The following ALMS1 variants were observed in gnomAD, a reference collection of about 807,000 sequenced individuals.
The protein encoded by ALMS1 is ALMS1 centrosome and basal body associated protein.
A neutral mutation model predicts 352.2 loss-of-function variants in ALMS1; 271 were observed. The observed-to-expected ratio is 0.77, with a 90% CI of 0.70 to 0.85. The LOEUF (loss-of-function observed/expected upper bound fraction) is 0.85. Among genes scored for constraint, ALMS1 ranks in the 40% least tolerant of loss-of-function variants. The pLI is 0.00. For missense variants in ALMS1, 5,445 were observed against 4,870.7 expected, an observed-to-expected ratio of 1.12 and a Z score of -3.51; for synonymous variants, 1,865 against 1,761.2, an observed-to-expected ratio of 1.06 and a Z score of -1.48.
rs185568058 is a variant in ALMS1 at position 73,509,044 on chromosome 2, C to G, written c.9540-10731C>G. ...TTTTATCAGAGACTAGGATTTCAAC[C>G]CCTGTTTTTTTTTGTTGTTTTGTTG... On this transcript the variant is annotated intron_variant, in intron 10 of 22. Transcript: ENST00000613296. 4.6e-3 allele frequency among the ~76,000 whole-genome samples: 705 copies of G among 152,020 alleles called. 8 individuals are homozygous for G. Among genetic ancestry groups the G allele is most frequent in the African/African-American group, 0.015 (635 of 41,458 alleles).
At chr2:73,591,184 C>T (rs1675425659) in intron 16 of ALMS1, among the ~76,000 whole-genome samples, 1 of 151,992 alleles carries the variant, frequency 6.6e-6, no homozygotes, top group Non-Finnish European at 1.5e-5. Context: ...TTCTTTATTT[C>T]TGTGTTCATG....
intron 12 of ALMS1, among the ~76,000 whole-genome samples, chr2:73,548,933 A>C (rs1674373764): frequency 6.6e-6 from 1 of 152,192 alleles, no homozygotes; most frequent in Non-Finnish European, 1.5e-5. Context: ...GTAAGAGGCA[A>C]ATAAGAGAAA....
At position 73,579,091 on chromosome 2, in the gene ALMS1, C is replaced by T. The variant is rs527819861; in HGVS notation, c.11547+5667C>T. Among the ~76,000 whole-genome samples the T allele has an allele frequency of 4.3e-4, 25 of 58,274 alleles. 1 individual carries two copies. In the South Asian group the frequency reaches 8.3e-3, roughly 19 times the overall value. The allele number at this position is 58,274 out of a possible 152,430, so 38.2% of individuals were successfully genotyped here. A position where few individuals can be genotyped will look rare whatever the true frequency, so the allele number is the denominator to read the frequency against. ...TTTTTATTTATTTTTTTTTTTGAGA[C>T]GGAGTCGTCCTGGGCTGTAGTGCAA... On this transcript the variant is annotated intron_variant, in intron 16 of 22. Transcript: ENST00000613296.
chr2:73,498,184 A>G (rs187590950), intron 10 of ALMS1, among the ~76,000 whole-genome samples: 16 of 152,082 alleles, frequency 1.1e-4, no homozygotes, highest in African/African-American at 3.9e-4. Context: ...TGCTGGTGGC[A>G]GTCTTACCTT....
intron 9 of ALMS1, among the ~76,000 whole-genome samples, chr2:73,488,589 GCT>G (rs1672906370): frequency 6.6e-6 from 1 of 152,124 alleles, no homozygotes; most frequent in Non-Finnish European, 1.5e-5. Context: ...CCTGTTCCTG[GCT>G]CCCACCACCT....
rs187822932 is a variant in ALMS1, at chr2:73,521,344, G to T, written c.9781+1328G>T. On this transcript the variant is annotated intron_variant, in intron 11 of 22. Transcript: ENST00000613296. ...GCTGTAAGCTGCAGAAATGGTTTGG[G>T]TCTGTTCCAGATACTTCTTTCTGAG... 6.6e-5 allele frequency among the ~76,000 whole-genome samples: 10 copies of T among 152,126 alleles called. No individual in the cohort carries two copies. The East Asian group carries it at 1.9e-3, about 29-fold the overall frequency.
intron 1 of ALMS1, among the ~76,000 whole-genome samples, chr2:73,402,455 A>T (rs575325821): frequency 2.3e-4 from 35 of 151,488 alleles, no homozygotes; most frequent in Admixed American, 9.2e-4. Context: ...TGTATTTTTA[A>T]TAGAGGCGGG....
chr2:73,472,086 A>G (rs1287367577), intron 9 of ALMS1, among the ~76,000 whole-genome samples: 1 of 152,120 alleles, frequency 6.6e-6, no homozygotes, highest in Non-Finnish European at 1.5e-5. Flanking sequence ...GAAAGAATCC[A>G]GTCACAGAAG....
At chr2:73,565,330 A>G (rs564083013) in intron 15 of ALMS1, among the ~76,000 whole-genome samples, 71 of 152,344 alleles carry the variant, frequency 4.7e-4, no homozygotes, top group Non-Finnish European at 8.4e-4. Context: ...GGGACCAAGT[A>G]AAAAACTTCC....
In ALMS1 at chr2:73,385,857, C is replaced by G. The variant is rs1553396082; in HGVS notation, c.-12C>G. ...CCTCCTCCTCCTCTGCCGCCCAGAG[C>G]GAGACACCAACATGGAGCCCGAGGA... On this transcript the variant is annotated 5_prime_UTR_variant, in exon 1 of 23. Coordinates refer to ENST00000613296, the MANE Select transcript of ALMS1 (RefSeq NM_001378454.1). 2 of 727,470 alleles carry G rather than the reference C, an allele frequency of 2.7e-6. No individual in the cohort carries two copies. The highest frequency in any genetic ancestry group is 2.5e-6 in the Non-Finnish European group (1 of 407,446). 45.1% of individuals were successfully genotyped at this position (727,470 alleles called of 1,614,324 possible). A position where few individuals can be genotyped will look rare whatever the true frequency, so the allele number is the denominator to read the frequency against.
At chr2:73,535,153 A>T (rs1197996490) in intron 12 of ALMS1, among the ~76,000 whole-genome samples, 1 of 152,160 alleles carries the variant, frequency 6.6e-6, no homozygotes, top group African/African-American at 2.4e-5. Context: ...TGATGAAGGA[A>T]ATTGTATGGA....
chr2:73,504,437 C>A (rs1198059876), intron 10 of ALMS1, among the ~76,000 whole-genome samples: 2 of 152,158 alleles, frequency 1.3e-5, no homozygotes, highest in African/African-American at 4.8e-5. Context: ...CCTTCTTTAA[C>A]CCCTGAAAGC....
chr2:73,454,871 G>A (rs551636277), intron 8 of ALMS1, among the ~76,000 whole-genome samples: 5 of 152,300 alleles, frequency 3.3e-5, no homozygotes, highest in African/African-American at 1.2e-4. Flanking sequence ...ACTAAAGGGA[G>A]AGGTAAAGAA....
intron 1 of ALMS1, among the ~76,000 whole-genome samples, chr2:73,399,287 G>A (rs1670825076): frequency 6.6e-6 from 1 of 152,110 alleles, no homozygotes; most frequent in African/African-American, 2.4e-5. Context: ...GTTGGACAGT[G>A]GTGAGAGGGT....
At chr2:73,551,532 G>C (rs930398565) in intron 13 of ALMS1, among the ~76,000 whole-genome samples, 6 of 149,300 alleles carry the variant, frequency 4.0e-5, no homozygotes, top group Non-Finnish European at 8.9e-5. Context: ...CACCTCCCGG[G>C]TTCAAGCGAT....
chr2:73,451,358 C>G lies in ALMS1; in HGVS notation c.4831C>G (p.Pro1611Ala), dbSNP rs935791709. 13 of 1,613,976 alleles carry G rather than the reference C, an allele frequency of 8.1e-6. No individual in the cohort carries two copies. The East Asian group carries it at 2.9e-4, about 36-fold the overall frequency. ...ACCTACTGAAAAAAAGACTGACATACCAGCAGGACCTTTAGGTTCCAGTGC... is the reference window on the plus strand; with the variant it reads ...ACCTACTGAAAAAAAGACTGACATAGCAGCAGGACCTTTAGGTTCCAGTGC... Reference protein sequence around the residue: ...SGPTEKKTDIPAGPLGSSALG... With the variant: ...SGPTEKKTDIAAGPLGSSALG... The change falls in exon 8 of 23, where the codon CCA becomes GCA. Residue 1611 changes from proline (P) to alanine (A), a missense_variant. Coordinates refer to ENST00000613296, the MANE Select transcript of ALMS1 (RefSeq NM_001378454.1).
At position 73,451,630 on chromosome 2, in the gene ALMS1, G is replaced by T; in HGVS notation, c.5103G>T (p.Lys1701Asn). ...CTGTTCCTGGACCAGATGCCCAGAAGACTGAGACACCATCAGTATCCTCTA... is the reference window on the plus strand; with the variant it reads ...CTGTTCCTGGACCAGATGCCCAGAATACTGAGACACCATCAGTATCCTCTA... ...VPPVPGPDAQ[K>N]TETPSVSSSL... The change falls in exon 8 of 23, where the codon AAG becomes AAT. Residue 1701 changes from lysine (K) to asparagine (N), a missense_variant. Physicochemically the swap from Lys to Asn is moderately conservative, Grantham distance 94. Coordinates refer to ENST00000613296, the MANE Select transcript of ALMS1 (RefSeq NM_001378454.1). 1 of 1,614,054 alleles carries T rather than the reference G, an allele frequency of 6.2e-7. No homozygotes were observed. The highest frequency in any genetic ancestry group is 8.5e-7 in the Non-Finnish European group (1 of 1,179,982).
chr2:73,392,281 TG>T (rs1464354815), intron 1 of ALMS1, among the ~76,000 whole-genome samples: 2 of 151,858 alleles, frequency 1.3e-5, no homozygotes, highest in African/African-American at 4.8e-5. Context: ...TGTGTGTGTG[TG>T]TGTGTGTGTG....
intron 9 of ALMS1, among the ~76,000 whole-genome samples, chr2:73,487,791 G>A (rs1444592552): frequency 6.6e-6 from 1 of 152,158 alleles, no homozygotes; most frequent in East Asian, 1.9e-4. Flanking sequence ...CCTTTCTGCA[G>A]GCAGGTCATC....
Sources: gnomAD v4.1 joint callset for allele counts (sites outside exome capture counted in the v4.1 genomes callset) on GRCh38, gnomAD v4.1.1 for gene constraint, MANE v1.5 for transcripts, NCBI Gene and HGNC (gene_info 2026-07-23, HGNC 2026-07-21) for gene names.